Variants in HCRTR2 observed in about 807,000 individuals in gnomAD.
HCRTR2 encodes the protein orexin receptor type 2.
Under a neutral mutation model 49.0 loss-of-function variants are expected in HCRTR2, and 22 were observed. The ratio of observed to expected loss-of-function variants is 0.45; its 90% CI spans 0.32 to 0.64. The LOEUF (loss-of-function observed/expected upper bound fraction) is 0.64, where lower values mean the gene tolerates loss of function less well. HCRTR2 is among the 30% of genes least tolerant of loss of function. The probability of loss-of-function intolerance (pLI) is 0.04; values close to 1 mark genes in which losing one functional copy is unlikely to be tolerated. For missense variants in HCRTR2, 491 were observed against 559.4 expected, an observed-to-expected ratio of 0.88 and a Z score of 1.23; for synonymous variants, 236 against 205.3, an observed-to-expected ratio of 1.15 and a Z score of -1.28.
At chr6:55,124,294 C>T (rs1764243655) in intron 1 of HCRTR2, among the ~76,000 whole-genome samples, 1 of 152,150 alleles carries the variant, frequency 6.6e-6, no homozygotes, top group African/African-American at 2.4e-5. Flanking sequence ...AAATGTGTCA[C>T]AGAGATTCTG....
chr6:55,227,777 T>C (rs983565530), intron 1 of HCRTR2, among the ~76,000 whole-genome samples: 2 of 152,056 alleles, frequency 1.3e-5, no homozygotes, highest in African/African-American at 4.8e-5. Context: ...CAATTTCTAC[T>C]GTGAACAAAG....
chr6:55,266,668 A>G lies in HCRTR2; in HGVS notation c.762+2846A>G, dbSNP rs934364225. 2.6e-5 allele frequency among the ~76,000 whole-genome samples: 4 copies of G among 152,120 alleles called. No individual in the cohort carries two copies. The South Asian group carries it at 8.3e-4, about 31-fold the overall frequency. ...TTCTTATTCATTTATTTACAAATTG[A>G]CATACCTTTAAAACTCTTTCAAGGT... On this transcript the variant is annotated intron_variant, in intron 4 of 6. Transcript: ENST00000370862.
At chr6:55,176,736 TA>T (rs1467004503) in intron 1 of HCRTR2, among the ~76,000 whole-genome samples, 1 of 152,190 alleles carries the variant, frequency 6.6e-6, no homozygotes. Flanking sequence ...ACTCTAGAGC[TA>T]AAAAGCATAT....
At chr6:55,186,864 G>A (rs1168020543) in intron 1 of HCRTR2, among the ~76,000 whole-genome samples, 1 of 152,144 alleles carries the variant, frequency 6.6e-6, no homozygotes, top group African/African-American at 2.4e-5. Flanking sequence ...GGAATCCTCT[G>A]TCATTCTTTT....
At chr6:55,155,052 T>C (rs556615744) in intron 1 of HCRTR2, among the ~76,000 whole-genome samples, 1 of 151,900 alleles carries the variant, frequency 6.6e-6, no homozygotes, top group African/African-American at 2.4e-5. Flanking sequence ...CTGAAAACTA[T>C]AAAATGCTGA....
intron 1 of HCRTR2, among the ~76,000 whole-genome samples, chr6:55,205,866 A>G (rs1033216007): frequency 6.6e-5 from 10 of 152,044 alleles, no homozygotes. Context: ...TTCTGCTATT[A>G]TAGTTTCCCT....
intron 1 of HCRTR2, among the ~76,000 whole-genome samples, chr6:55,124,844 C>T (rs66873255): frequency 1.3e-5 from 2 of 151,436 alleles, no homozygotes; most frequent in Non-Finnish European, 2.9e-5. Flanking sequence ...GCAGTGATCC[C>T]TTTAGCATTA....
At chr6:55,158,890 T>C (rs1764766287) in intron 1 of HCRTR2, among the ~76,000 whole-genome samples, 1 of 152,156 alleles carries the variant, frequency 6.6e-6, no homozygotes, top group Non-Finnish European at 1.5e-5. Flanking sequence ...TCAGCAGACT[T>C]AAATATTGCC....
intron 1 of HCRTR2, among the ~76,000 whole-genome samples, chr6:55,234,618 T>C (rs1287907838): frequency 6.6e-6 from 1 of 152,126 alleles, no homozygotes; most frequent in East Asian, 1.9e-4. Context: ...CATTTTCTAA[T>C]TGGCAACAAA....
chr6:55,123,018 A>G (rs1764223599), intron 1 of HCRTR2, among the ~76,000 whole-genome samples: 1 of 151,724 alleles, frequency 6.6e-6, no homozygotes, highest in Admixed American at 6.6e-5. Context: ...CCTAAAGTAA[A>G]TGAGGAGTTA....
At chr6:55,167,009 G>T (rs930246380) in intron 1 of HCRTR2, among the ~76,000 whole-genome samples, 1 of 152,038 alleles carries the variant, frequency 6.6e-6, no homozygotes, top group African/African-American at 2.4e-5. Context: ...AAACTTGAGT[G>T]TTTGCCAGCA....
intron 1 of HCRTR2, among the ~76,000 whole-genome samples, chr6:55,181,624 A>G (rs1765135682): frequency 1.3e-5 from 2 of 152,208 alleles, no homozygotes; most frequent in African/African-American, 4.8e-5. Flanking sequence ...ATTATGAGGT[A>G]GGTCTTTTTT....
At chr6:55,174,023 C>T (rs1764989291), upstream of HCRTR2, among the ~76,000 whole-genome samples, 1 of 152,040 alleles carries the variant, frequency 6.6e-6, no homozygotes, top group Non-Finnish European at 1.5e-5. Context: ...TATCAACATG[C>T]TCTGTATTAA....
intron 1 of HCRTR2, among the ~76,000 whole-genome samples, chr6:55,208,504 TA>T (rs527251037): frequency 0.027 from 3,678 of 137,552 alleles, 46 homozygotes; most frequent in African/African-American, 0.035. Flanking sequence ...AAAATAAAAA[TA>T]AAAAAAAAAA....
At chr6:55,117,016 G>C (rs1013270094) in intron 1 of HCRTR2, among the ~76,000 whole-genome samples, 2 of 151,718 alleles carry the variant, frequency 1.3e-5, no homozygotes, top group Non-Finnish European at 2.9e-5. Context: ...GAGAACCAAT[G>C]AAAAACCTAC....
At chr6:55,140,036 C>T (rs1183845349) in intron 1 of HCRTR2, among the ~76,000 whole-genome samples, 2 of 152,174 alleles carry the variant, frequency 1.3e-5, no homozygotes, top group African/African-American at 2.4e-5. Context: ...GACAAAGCTG[C>T]ATCTCGGGAT....
chr6:55,120,182 T>C (rs913452020), intron 1 of HCRTR2, among the ~76,000 whole-genome samples: 1 of 152,126 alleles, frequency 6.6e-6, no homozygotes, highest in Non-Finnish European at 1.5e-5. Flanking sequence ...AGCCTTGTAG[T>C]ATAGGTTGAA....
chr6:55,269,381 T>C (rs1053552785), intron 4 of HCRTR2, among the ~76,000 whole-genome samples: 2 of 151,928 alleles, frequency 1.3e-5, no homozygotes, highest in Non-Finnish European at 2.9e-5. Flanking sequence ...TAATAAAAAA[T>C]AAAAGGCATG....
At chr6:55,144,892 C>A (rs531463630) in intron 1 of HCRTR2, among the ~76,000 whole-genome samples, 1 of 152,148 alleles carries the variant, frequency 6.6e-6, no homozygotes, top group Non-Finnish European at 1.5e-5. Flanking sequence ...AAGAGTTATT[C>A]TAAGATCTTC....
Sources: gnomAD v4.1 joint callset for allele counts (sites outside exome capture counted in the v4.1 genomes callset) on GRCh38, gnomAD v4.1.1 for gene constraint, MANE v1.5 for transcripts, NCBI Gene and HGNC (gene_info 2026-07-23, HGNC 2026-07-21) for gene names.